STX17: variants seen among roughly 807,000 people sequenced by gnomAD.
STX17 encodes syntaxin-17.
STX17 carries 29 observed loss-of-function variants against 35.9 expected under a neutral mutation model. The observed-to-expected ratio is 0.81, with a 90% CI of 0.60 to 1.10. The LOEUF (loss-of-function observed/expected upper bound fraction) is 1.10. STX17 is among the 50% of genes least tolerant of loss of function. STX17 has a pLI of 0.00. For missense variants in STX17, 312 were observed against 352.3 expected, an observed-to-expected ratio of 0.89 and a Z score of 0.92; for synonymous variants, 92 against 118.3, an observed-to-expected ratio of 0.78 and a Z score of 1.44.
At position 99,972,326 on chromosome 9, in the gene STX17, A is replaced by G. The variant is rs1429071626; in HGVS notation, c.*3653A>G. ...CAAATTTATCATAATTCATAGATCAAATGATTATCCTTTAAAATGATACCC... is the reference window on the plus strand; with the variant it reads ...CAAATTTATCATAATTCATAGATCAGATGATTATCCTTTAAAATGATACCC... On this transcript the variant is annotated 3_prime_UTR_variant, in exon 8 of 8. Coordinates refer to ENST00000259400, the MANE Select transcript of STX17 (RefSeq NM_017919.3). Among the ~76,000 whole-genome samples, 1 of 152,220 alleles carries G rather than the reference A, an allele frequency of 6.6e-6. No homozygotes were observed. The highest frequency in any genetic ancestry group is 1.9e-4 in the East Asian group (1 of 5,206).
At chr9:99,966,031 A>G (rs1370674104) in intron 6 of STX17, among the ~76,000 whole-genome samples, 1 of 152,198 alleles carries the variant, frequency 6.6e-6, no homozygotes, top group African/African-American at 2.4e-5. Context: ...GGTGCCCTTG[A>G]TCTGAGCACA....
chr9:99,948,462 T>C (rs1240176468), intron 3 of STX17, among the ~76,000 whole-genome samples: 1 of 152,122 alleles, frequency 6.6e-6, no homozygotes, highest in African/African-American at 2.4e-5. Flanking sequence ...GTTTGCTATG[T>C]AATAAAGTAG....
intron 4 of STX17, among the ~76,000 whole-genome samples, chr9:99,957,890 TG>T (rs1829745029): frequency 1.3e-5 from 2 of 151,930 alleles, no homozygotes; most frequent in Admixed American, 6.6e-5. Context: ...TGAGCTCAGG[TG>T]GTTTTTTTAC....
rs1240490907 is a variant in STX17 at position 99,959,950 on chromosome 9, C to T, written c.449C>T (p.Ser150Phe). 5 of 1,613,592 alleles carry T rather than the reference C, an allele frequency of 3.1e-6. No individual in the cohort carries two copies. The African/African-American group carries it at 6.7e-5, about 22-fold the overall frequency. The change falls in exon 5 of 8, where the codon TCT becomes TTT. Residue 150 changes from serine to phenylalanine, a missense_variant. Transcript: ENST00000259400. ...AFHTTEAEAS[S>F]QSLTQIYALP... ...CATACTACTGAAGCTGAAGCTAGTT[C>T]TCAGAGTTTGACTCAGATATATGCC...
intron 2 of STX17, among the ~76,000 whole-genome samples, chr9:99,919,112 G>A (rs896962879): frequency 1.2e-4 from 18 of 152,132 alleles, no homozygotes; most frequent in Admixed American, 7.2e-4. Context: ...GTCTTCTATA[G>A]TATTGTCTTG....
chr9:99,943,611 A>G (rs1829414244), intron 3 of STX17, among the ~76,000 whole-genome samples: 1 of 152,164 alleles, frequency 6.6e-6, no homozygotes, highest in African/African-American at 2.4e-5. Flanking sequence ...ACCCAGCTGA[A>G]TCTCTATATT....
chr9:99,918,056 C>T (rs923602270), intron 2 of STX17, among the ~76,000 whole-genome samples: 1 of 152,196 alleles, frequency 6.6e-6, no homozygotes, highest in Non-Finnish European at 1.5e-5. Flanking sequence ...ATCACATCCA[C>T]ATTCCAGCTT....
chr9:99,920,011 A>T (rs534547823), intron 2 of STX17, among the ~76,000 whole-genome samples: 34 of 152,264 alleles, frequency 2.2e-4, no homozygotes, highest in African/African-American at 7.9e-4. Context: ...TTAGTGTGTG[A>T]ATATCTGCTT....
chr9:99,929,600 A>G (rs1829068350), intron 3 of STX17, among the ~76,000 whole-genome samples: 1 of 151,546 alleles, frequency 6.6e-6, no homozygotes, highest in Non-Finnish European at 1.5e-5. Context: ...AATCAGGTTT[A>G]GATTTTTTTT....
At chr9:99,933,401 A>G (rs1829164832) in intron 3 of STX17, among the ~76,000 whole-genome samples, 1 of 152,168 alleles carries the variant, frequency 6.6e-6, no homozygotes. Flanking sequence ...TGTTTTGGCT[A>G]TACTTGGCTC....
At chr9:99,920,949 T>G (rs1828872338) in intron 2 of STX17, among the ~76,000 whole-genome samples, 1 of 152,194 alleles carries the variant, frequency 6.6e-6, no homozygotes. Flanking sequence ...TAGGAATCTC[T>G]TCTAGTTTTC....
At chr9:99,964,587 G>T (rs1004816072) in intron 6 of STX17, among the ~76,000 whole-genome samples, 8 of 152,072 alleles carry the variant, frequency 5.3e-5, no homozygotes, top group Non-Finnish European at 1.0e-4. Flanking sequence ...AATGTGGGAG[G>T]CCTAAGCAGA....
At chr9:99,967,908 C>G (rs1338872270) in intron 7 of STX17, among the ~76,000 whole-genome samples, 169 bp downstream of exon 7, 3 of 152,208 alleles carry the variant, frequency 2.0e-5, no homozygotes, top group Non-Finnish European at 2.9e-5. Flanking sequence ...ATATTCTACT[C>G]TAAGATTCAT....
At chr9:99,967,618 G>A (rs543491661) in intron 6 of STX17, 35 bp from the exon 7 acceptor site, 40 of 1,600,668 alleles carry the variant, frequency 2.5e-5, no homozygotes, top group Non-Finnish European at 3.3e-5. Context: ...CTGCTCCCCA[G>A]CAGGACCGCT....
At chr9:99,912,231 GAA>G (rs58410906) in intron 1 of STX17, among the ~76,000 whole-genome samples, 101,714 of 147,204 alleles carry the variant, frequency 0.69, 34,702 homozygotes, top group East Asian at 0.72. Context: ...TATCTAAAAA[GAA>G]AAAAAAAAAA....
rs67645739 is a variant in STX17, at chr9:99,965,242, AATATTT to A, written c.583-2409_583-2404del. Among the ~76,000 whole-genome samples, 1,467 of 152,292 alleles carry A rather than the reference AATATTT, an allele frequency of 9.6e-3. 13 individuals carry two copies. The highest frequency in any genetic ancestry group is 0.012 in the African/African-American group (482 of 41,556). On this transcript the variant is annotated intron_variant, in intron 6 of 7. Coordinates refer to ENST00000259400, the MANE Select transcript of STX17 (RefSeq NM_017919.3). Reference sequence around the variant, plus strand: ...TTATTCCAAATGATTTTTATGAAAAAATATTTAAATTATTTTAAAATTTTGCTTTAA... The same window carrying A: ...TTATTCCAAATGATTTTTATGAAAAAAAATTATTTTAAAATTTTGCTTTAA...
intron 3 of STX17, 83 bp downstream of exon 3, chr9:99,928,926 C>CTGA: frequency 8.1e-7 from 1 of 1,236,236 alleles, no homozygotes; most frequent in Non-Finnish European, 1.2e-6. Flanking sequence ...ACCTTTGCAG[C>CTGA]TGAACCCTTT....
chr9:99,915,394 A>G (rs372864519), intron 2 of STX17, 32 bp downstream of exon 2: 84 of 1,568,716 alleles, frequency 5.4e-5, no homozygotes, highest in Non-Finnish European at 6.8e-5. Flanking sequence ...CACAAGAAAT[A>G]GTTACATAGT....
chr9:99,943,473 A>T (rs979817284), intron 3 of STX17, among the ~76,000 whole-genome samples: 1 of 152,032 alleles, frequency 6.6e-6, no homozygotes, highest in African/African-American at 2.4e-5. Context: ...ACGCCCAGCA[A>T]ATTTTTGTAT....
Sources: gnomAD v4.1 joint callset for allele counts (sites outside exome capture counted in the v4.1 genomes callset) on GRCh38, gnomAD v4.1.1 for gene constraint, MANE v1.5 for transcripts, NCBI Gene and HGNC (gene_info 2026-07-23, HGNC 2026-07-21) for gene names.